Variants in ADAM23 observed in about 807,000 individuals in gnomAD.
The protein encoded by ADAM23 is disintegrin and metalloproteinase domain-containing protein 23.
ADAM23 carries 33 observed loss-of-function variants against 120.1 expected under a neutral mutation model. That is an observed-to-expected ratio of 0.27 (90% CI 0.21 to 0.37). The LOEUF is 0.37. Ranked by LOEUF, ADAM23 falls within the 10% of genes least tolerant of loss-of-function variation. The probability of loss-of-function intolerance (pLI) is 1.00; values close to 1 mark genes in which losing one functional copy is unlikely to be tolerated. For missense variants in ADAM23, 862 were observed against 1,058.2 expected, an observed-to-expected ratio of 0.81 and a Z score of 2.57; for synonymous variants, 367 against 375.2, an observed-to-expected ratio of 0.98 and a Z score of 0.25.
chr2:206,525,869 C>T (rs937704499), intron 3 of ADAM23, among the ~76,000 whole-genome samples: 1 of 152,084 alleles, frequency 6.6e-6, no homozygotes, highest in Non-Finnish European at 1.5e-5. Context: ...AGATTATAGG[C>T]ATGAGCCACC....
chr2:206,547,715 G>T (rs1470803368), intron 7 of ADAM23, among the ~76,000 whole-genome samples: 2 of 152,168 alleles, frequency 1.3e-5, no homozygotes, highest in African/African-American at 4.8e-5. Flanking sequence ...TTTGAGTAAA[G>T]CTGCCTTGGG....
At chr2:206,564,710 C>T (rs964981106) in intron 13 of ADAM23, among the ~76,000 whole-genome samples, 4 of 152,122 alleles carry the variant, frequency 2.6e-5, no homozygotes, top group Non-Finnish European at 5.9e-5. Context: ...GATTTGTAGA[C>T]CAGGGTACTT....
At chr2:206,514,701 T>C (rs906652980) in intron 3 of ADAM23, among the ~76,000 whole-genome samples, 1 of 152,178 alleles carries the variant, frequency 6.6e-6, no homozygotes, top group African/African-American at 2.4e-5. Context: ...GAGAAATCTT[T>C]CATGAAGAGT....
intron 18 of ADAM23, among the ~76,000 whole-genome samples, chr2:206,575,621 T>G (rs2105834918): frequency 6.6e-6 from 1 of 152,244 alleles, no homozygotes; most frequent in East Asian, 1.9e-4. Flanking sequence ...AAATATCACT[T>G]TTATTATTGA....
At chr2:206,488,597 A>T (rs975729462) in intron 3 of ADAM23, among the ~76,000 whole-genome samples, 1 of 152,052 alleles carries the variant, frequency 6.6e-6, no homozygotes, top group Non-Finnish European at 1.5e-5. Flanking sequence ...AGGGAGCTAG[A>T]GTTTTGTCCA....
chr2:206,521,899 A>C (rs17211421), intron 3 of ADAM23, among the ~76,000 whole-genome samples: 8,095 of 152,218 alleles, frequency 0.053, 309 homozygotes, highest in Middle Eastern at 0.11. Flanking sequence ...CCTTGCCAGC[A>C]GTGGCTACTG....
In ADAM23 at chr2:206,594,920, A is replaced by C; in HGVS notation, c.2247+15A>C. On this transcript the variant is annotated intron_variant, in intron 23 of 25. Coordinates refer to ENST00000264377, the MANE Select transcript of ADAM23 (RefSeq NM_003812.4). ...CGGGCCATGGGGTAAGTAGGTATCAATGTGACAGCTGGAACCTTCATGGTC... is the reference window on the plus strand; with the variant it reads ...CGGGCCATGGGGTAAGTAGGTATCACTGTGACAGCTGGAACCTTCATGGTC... The C allele has an allele frequency of 6.2e-7, 1 of 1,613,670 alleles. No homozygotes were observed. Among genetic ancestry groups the C allele is most frequent in the Non-Finnish European group, 8.5e-7 (1 of 1,179,702 alleles).
intron 25 of ADAM23, among the ~76,000 whole-genome samples, chr2:206,615,878 C>T (rs1418161169): frequency 6.6e-6 from 1 of 152,222 alleles, no homozygotes; most frequent in Non-Finnish European, 1.5e-5. Flanking sequence ...GACTGCATTG[C>T]TGTTACGACC....
At chr2:206,513,075 A>T (rs1246360165) in intron 3 of ADAM23, among the ~76,000 whole-genome samples, 7 of 152,032 alleles carry the variant, frequency 4.6e-5, no homozygotes, top group Admixed American at 2.0e-4. Context: ...TGGCCTCCTT[A>T]TTCCATGAAA....
intron 9 of ADAM23, among the ~76,000 whole-genome samples, chr2:206,552,154 C>T (rs1339317549): frequency 6.6e-6 from 1 of 151,954 alleles, no homozygotes; most frequent in African/African-American, 2.4e-5. Context: ...TTTCAACATC[C>T]ATTATATAAA....
At chr2:206,530,145 A>G (rs917943083) in intron 3 of ADAM23, among the ~76,000 whole-genome samples, 1 of 152,214 alleles carries the variant, frequency 6.6e-6, no homozygotes, top group Admixed American at 6.5e-5. Flanking sequence ...AAAAAAATCA[A>G]AAGAAGGATA....
intron 4 of ADAM23, among the ~76,000 whole-genome samples, chr2:206,532,998 A>G (rs923767598): frequency 3.3e-5 from 5 of 152,004 alleles, no homozygotes; most frequent in African/African-American, 1.2e-4. Flanking sequence ...AGTTTGTATA[A>G]ATTCATATTC....
intron 3 of ADAM23, among the ~76,000 whole-genome samples, chr2:206,524,903 T>C (rs1696913223): frequency 6.6e-6 from 1 of 152,160 alleles, no homozygotes. Context: ...GAGGACATAC[T>C]CACAGACTGT....
At chr2:206,566,424 GTTATAA>G (rs1376162876) in intron 14 of ADAM23, among the ~76,000 whole-genome samples, 1 of 152,068 alleles carries the variant, frequency 6.6e-6, no homozygotes, top group Non-Finnish European at 1.5e-5. Flanking sequence ...GTCAAGCACT[GTTATAA>G]TCACGCACTG....
In ADAM23 at chr2:206,445,253, G is replaced by A. The variant is rs1233037618; in HGVS notation, c.215-54G>A. ...TTATGTATTTATGGGGTAAATATGT[G>A]TGTGTTTGTGTATGTTTGTATTTTC... On this transcript the variant is annotated intron_variant, in intron 1 of 25. Coordinates refer to ENST00000264377, the MANE Select transcript of ADAM23 (RefSeq NM_003812.4). 3.1e-6 allele frequency: 4 copies of A among 1,275,078 alleles called. No homozygotes were observed. In the Admixed American group the frequency reaches 7.0e-5, roughly 22 times the overall value. The allele number at this position is 1,275,078 out of a possible 1,614,324, so 79.0% of individuals were successfully genotyped here. A position where few individuals can be genotyped will look rare whatever the true frequency, so the allele number is the denominator to read the frequency against.
intron 16 of ADAM23, 42 bp downstream of exon 16, chr2:206,570,853 C>G (rs772692234): frequency 2.6e-6 from 4 of 1,552,374 alleles, no homozygotes; most frequent in African/African-American, 2.7e-5. Context: ...ACAGATCTTA[C>G]TTGGTGCAAA....
chr2:206,477,891 A>T (rs867042397), intron 2 of ADAM23, among the ~76,000 whole-genome samples: 28,803 of 93,074 alleles, frequency 0.31, 3,587 homozygotes, highest in South Asian at 0.34. Context: ...AAAAAAAAAA[A>T]AAAAAAATAT....
In ADAM23 at chr2:206,560,118, C is replaced by T. The variant is rs1335326915; in HGVS notation, c.1169C>T (p.Ser390Leu). Reference protein sequence around the residue: ...KQHADAVHLISRVTFHYKRSS... With the variant: ...KQHADAVHLILRVTFHYKRSS... ...CATGCTGATGCTGTGCACCTCATCT[C>T]GTACGTACTCATTTCAGCCTTTAGT... Residue 390 changes from serine (S) to leucine (L), a missense_variant and splice_region_variant, in exon 11 of 26, where the codon TCG becomes TTG. This residue lies in a region of ADAM23 where 617 missense variants were observed against 813.5 expected (regional missense o/e 0.76). Coordinates refer to ENST00000264377, the MANE Select transcript of ADAM23 (RefSeq NM_003812.4). 5 of 1,612,246 alleles carry T rather than the reference C, an allele frequency of 3.1e-6. No homozygotes were observed. Among genetic ancestry groups the T allele is most frequent in the Admixed American group, 1.7e-5 (1 of 59,884 alleles).
intron 11 of ADAM23, among the ~76,000 whole-genome samples, 194 bp downstream of exon 11, chr2:206,560,312 A>G (rs922573164): frequency 3.3e-5 from 5 of 151,826 alleles, no homozygotes; most frequent in African/African-American, 1.2e-4. Flanking sequence ...TAGTCACAAT[A>G]TCTACCTTTA....
Sources: allele counts gnomAD v4.1 joint callset (sites outside exome capture counted in the v4.1 genomes callset), GRCh38; gene constraint gnomAD v4.1.1; regional missense constraint gnomAD v4.1.1; transcripts MANE v1.5; gene names NCBI Gene and HGNC (gene_info 2026-07-23, HGNC 2026-07-21).